The following SPTB variants were observed in gnomAD, a reference collection of about 807,000 sequenced individuals.
SPTB encodes spectrin beta, erythrocytic, also known as spectrin beta chain, erythrocytic.
In SPTB, 45 loss-of-function variants were observed where a neutral mutation model predicts 256.2. The observed-to-expected ratio is 0.18, with a 90% CI of 0.14 to 0.23. The LOEUF (loss-of-function observed/expected upper bound fraction) is 0.23. Among genes scored for constraint, SPTB ranks in the 10% least tolerant of loss-of-function variants. SPTB has a pLI of 1.00. For synonymous variants in SPTB, 1,231 were observed against 1,243.1 expected, an observed-to-expected ratio of 0.99 and a Z score of 0.21; for missense variants, 2,715 against 3,040.4, an observed-to-expected ratio of 0.89 and a Z score of 2.52.
intron 15 of SPTB, among the ~76,000 whole-genome samples, chr14:64,788,431 G>C (rs1172233932): frequency 1.3e-4 from 20 of 152,194 alleles, no homozygotes; most frequent in Admixed American, 1.3e-3. Context: ...CAGGCTGGGA[G>C]AGACCAGGGA....
chr14:64,809,490 C>G (rs558543738), intron 2 of SPTB, among the ~76,000 whole-genome samples: 1 of 151,720 alleles, frequency 6.6e-6, no homozygotes, highest in Non-Finnish European at 1.5e-5. Flanking sequence ...GGACTACAGG[C>G]GTGCACCACC....
In SPTB at chr14:64,795,560, T is replaced by C. The variant is rs778518936; in HGVS notation, c.1421A>G (p.Tyr474Cys). Reference sequence around the variant, plus strand: ...CTCCAGGGCTCTCACCCGCTCCTCGTAGGCAGCCGTGTCGGTCTCGATGGC... The same window carrying C: ...CTCCAGGGCTCTCACCCGCTCCTCGCAGGCAGCCGTGTCGGTCTCGATGGC... ...HEAIETDTAA[Y>C]EERVRALEDL... The change falls in exon 12 of 36, where the codon TAC becomes TGC. Residue 474 changes from tyrosine (Y) to cysteine (C), a missense_variant. Tyr to Cys is a radical substitution (Grantham distance 194). Coordinates refer to ENST00000644917, the MANE Select transcript of SPTB (RefSeq NM_001355436.2). The surrounding 1 kb of genome is among the most constrained non-coding windows in gnomAD (Gnocchi z 6.5). 6.2e-7 allele frequency: 1 copy of C among 1,614,054 alleles called. No individual in the cohort carries two copies. The highest frequency in any genetic ancestry group is 1.3e-5 in the African/African-American group (1 of 74,910).
At position 64,770,771 on chromosome 14, in the gene SPTB, G is replaced by A. The variant is rs2082267742; in HGVS notation, c.5798+114C>T. 32 of 1,523,242 alleles carry A rather than the reference G, an allele frequency of 2.1e-5. No individual in the cohort carries two copies. The South Asian group carries it at 3.6e-4, about 17-fold the overall frequency. The allele number at this position is 1,523,242 out of a possible 1,614,324, so 94.4% of individuals were successfully genotyped here. A position where few individuals can be genotyped will look rare whatever the true frequency, so the allele number is the denominator to read the frequency against. On this transcript the variant is annotated intron_variant, in intron 27 of 35. Transcript: ENST00000644917. ...CAAGTGTCCCCCAGGGATTTTCATGGAACGATAGTCCAGGACTGTCCCTTC... is the reference window on the plus strand; with the variant it reads ...CAAGTGTCCCCCAGGGATTTTCATGAAACGATAGTCCAGGACTGTCCCTTC...
rs779607354 is a variant in SPTB at position 64,816,954 on chromosome 14, T to C, written c.148+5993A>G. 3.3e-5 allele frequency among the ~76,000 whole-genome samples: 5 copies of C among 152,192 alleles called. No individual in the cohort carries two copies. The highest frequency in any genetic ancestry group is 5.9e-5 in the Non-Finnish European group (4 of 68,022). On this transcript the variant is annotated intron_variant, in intron 2 of 35. Transcript: ENST00000644917. The surrounding 1 kb of genome is among the most constrained non-coding windows in gnomAD (Gnocchi z 4.2). ...ATGTCCCAAAGATGGAGGAGGCTATTAACGTGGTTCACTCAGACTGCACTG... is the reference window on the plus strand; with the variant it reads ...ATGTCCCAAAGATGGAGGAGGCTATCAACGTGGTTCACTCAGACTGCACTG...
rs886050621 is a variant in SPTB, at chr14:64,793,244, G to C, written c.2419C>G (p.Gln807Glu). ...GVMEHLEQQA[Q>E]GFPEEFRDSP... is the part of the protein sequence containing the mutation. ...TCCCGAAACTCTTCGGGGAATCCCTGGGCCTGCTGCTCCAGGTGCTCCATC... is the reference window on the plus strand; with the variant it reads ...TCCCGAAACTCTTCGGGGAATCCCTCGGCCTGCTGCTCCAGGTGCTCCATC... The change falls in exon 14 of 36, where the codon CAG becomes GAG. Residue 807 changes from glutamine (Q) to glutamate (E), a missense_variant. Physicochemically the swap from Gln to Glu is conservative, Grantham distance 29. Around this residue, in one of 4 missense-constraint regions of SPTB, gnomAD observed 2,239 missense variants for 2,384.4 expected, o/e 0.94. Coordinates refer to ENST00000644917, the MANE Select transcript of SPTB (RefSeq NM_001355436.2). This position sits in a 1 kb window ranked among gnomAD's most constrained non-coding sequence, Gnocchi z 7.0. 4 of 1,608,772 alleles carry C rather than the reference G, an allele frequency of 2.5e-6. No individual in the cohort carries two copies. The highest frequency in any genetic ancestry group is 3.4e-6 in the Non-Finnish European group (4 of 1,180,028).
chr14:64,832,496 G>C (rs2083465206), intron 1 of SPTB, among the ~76,000 whole-genome samples: 1 of 151,864 alleles, frequency 6.6e-6, no homozygotes, highest in Non-Finnish European at 1.5e-5. Flanking sequence ...TTCTTCCTCT[G>C]TCTACACACT....
chr14:64,849,381 A>G (rs2083743483), intron 1 of SPTB, among the ~76,000 whole-genome samples: 1 of 152,216 alleles, frequency 6.6e-6, no homozygotes, highest in Non-Finnish European at 1.5e-5. Flanking sequence ...TCTCAACACT[A>G]TGTCTAAAAA....
chr14:64,846,210 C>A (rs143068403), intron 1 of SPTB, among the ~76,000 whole-genome samples: 1 of 152,162 alleles, frequency 6.6e-6, no homozygotes, highest in Non-Finnish European at 1.5e-5. Context: ...AAAGACTACA[C>A]GGTAATTAAA....
In SPTB at chr14:64,779,133, C is replaced by T. The variant is rs2082417224; in HGVS notation, c.4563+24G>A. ...TGGGGGTGAGGAGGGGTGGGTGGGGCTGGTGAGGTGACGCAGGACTCACCT... is the reference window on the plus strand; with the variant it reads ...TGGGGGTGAGGAGGGGTGGGTGGGGTTGGTGAGGTGACGCAGGACTCACCT... On this transcript the variant is annotated intron_variant, in intron 22 of 35. Transcript: ENST00000644917. The surrounding 1 kb of genome is among the most constrained non-coding windows in gnomAD (Gnocchi z 4.2). 3 of 1,604,180 alleles carry T rather than the reference C, an allele frequency of 1.9e-6. No individual in the cohort carries two copies. Among genetic ancestry groups the T allele is most frequent in the Non-Finnish European group, 2.6e-6 (3 of 1,173,188 alleles).
At chr14:64,871,796 A>C (rs1397483037) in intron 1 of SPTB, among the ~76,000 whole-genome samples, 2 of 152,248 alleles carry the variant, frequency 1.3e-5, no homozygotes, top group African/African-American at 4.8e-5. Context: ...ATATGGATAT[A>C]TGTTTTAACC....
At chr14:64,774,586 C>T in intron 23 of SPTB, 59 bp from the exon 24 acceptor site, 1 of 1,550,124 alleles carries the variant, frequency 6.5e-7, no homozygotes. Context: ...CCTCCCTTGG[C>T]AAGTTGTGCC....
rs2083351398 is a variant in SPTB at position 64,824,754 on chromosome 14, C to G, written c.-51-1609G>C. On this transcript the variant is annotated intron_variant, in intron 1 of 35. Coordinates refer to ENST00000644917, the MANE Select transcript of SPTB (RefSeq NM_001355436.2). The surrounding 1 kb of genome is among the most constrained non-coding windows in gnomAD (Gnocchi z 5.7). The stretch of plus-strand genomic sequence containing the variant: ...CATGCACATCCACCAGGCACATGAT[C>G]ACGGAGGCACTGAAGCACATTCACC... Among the ~76,000 whole-genome samples the G allele has an allele frequency of 6.6e-6, 1 of 152,190 alleles. No homozygotes were observed. The highest frequency in any genetic ancestry group is 6.5e-5 in the Admixed American group (1 of 15,284).
At chr14:64,768,356 T>TTTC (rs1440810713) in intron 29 of SPTB, 1 of 203,302 alleles carries the variant, frequency 4.9e-6, no homozygotes, top group African/African-American at 2.3e-5. Flanking sequence ...TTATATTTTT[T>TTTC]AAGCTATATT....
At position 64,794,596 on chromosome 14, in the gene SPTB, A is replaced by T; in HGVS notation, c.1666T>A (p.Phe556Ile). ...EIKAHLLSAEFGKHLLEVEDL... is the reference protein window; with the variant it reads ...EIKAHLLSAEIGKHLLEVEDL... Reference sequence around the variant, plus strand: ...TCAACCTCCAACAAGTGCTTCCCAAACTCGGCAGACAAGAGGTGAGCCTGG... The same window carrying T: ...TCAACCTCCAACAAGTGCTTCCCAATCTCGGCAGACAAGAGGTGAGCCTGG... The change falls in exon 13 of 36, where the codon TTT (phenylalanine) becomes ATT (isoleucine). Residue 556 changes from phenylalanine to isoleucine, a missense_variant. Phe to Ile is a conservative substitution (Grantham distance 21, BLOSUM62 0). Coordinates refer to ENST00000644917, the MANE Select transcript of SPTB (RefSeq NM_001355436.2). 1 of 1,614,096 alleles carries T rather than the reference A, an allele frequency of 6.2e-7. No homozygotes were observed.
At position 64,782,410 on chromosome 14, in the gene SPTB, G is replaced by A. The variant is rs371649655; in HGVS notation, c.4146C>T (p.Asp1382=). The part of the protein sequence containing the change: ...TQHLSAARSS[D]LRLQTHADLN... ...GGTCAGCATGGGTCTGCAAGCGCAG[G>A]TCGGAGCTCCTGGCAGCCGAGAGGT... Residue 1382 remains aspartate, a synonymous_variant, in exon 20 of 36, where the codon GAC becomes GAT. Transcript: ENST00000644917. 9.9e-6 allele frequency: 16 copies of A among 1,614,034 alleles called. No individual in the cohort carries two copies. The African/African-American group carries it at 2.0e-4, about 20-fold the overall frequency.
At chr14:64,837,477 G>A (rs2139742487) in intron 1 of SPTB, among the ~76,000 whole-genome samples, 1 of 152,160 alleles carries the variant, frequency 6.6e-6, no homozygotes, top group South Asian at 2.1e-4. Context: ...CCATGCCTAG[G>A]GATTGGAAGA....
At chr14:64,803,555 C>A in intron 4 of SPTB, 52 bp downstream of exon 4, 1 of 1,609,636 alleles carries the variant, frequency 6.2e-7, no homozygotes, top group Non-Finnish European at 8.5e-7. Context: ...ATTCTAAGGC[C>A]CTGGGCAGCC....
At chr14:64,771,276 T>C in intron 26 of SPTB, 147 bp from the exon 27 acceptor site, 4 of 1,265,052 alleles carry the variant, frequency 3.2e-6, no homozygotes, top group Non-Finnish European at 4.5e-6. Flanking sequence ...ACCCAGTGGG[T>C]GCTGTAGGAG....
rs529851509 is a variant in SPTB at position 64,841,195 on chromosome 14, G to T, written c.-51-18050C>A. 8.5e-5 allele frequency among the ~76,000 whole-genome samples: 13 copies of T among 152,252 alleles called. 1 individual carries two copies. In the South Asian group the frequency reaches 2.7e-3, roughly 32 times the overall value. On this transcript the variant is annotated intron_variant, in intron 1 of 35. Coordinates refer to ENST00000644917, the MANE Select transcript of SPTB (RefSeq NM_001355436.2). This position sits in a 1 kb window ranked among gnomAD's most constrained non-coding sequence, Gnocchi z 4.6. Reference sequence around the variant, plus strand: ...TCCTTATCCCCATTTTATGGGTCAGGAAACTGAGGCTTAGAGGGTTCAGTG... The same window carrying T: ...TCCTTATCCCCATTTTATGGGTCAGTAAACTGAGGCTTAGAGGGTTCAGTG...
Sources: allele counts gnomAD v4.1 joint callset (sites outside exome capture counted in the v4.1 genomes callset), GRCh38; gene constraint gnomAD v4.1.1; regional missense constraint gnomAD v4.1.1; non-coding constraint Gnocchi (gnomAD v3.1); transcripts MANE v1.5; gene names NCBI Gene and HGNC (gene_info 2026-07-23, HGNC 2026-07-21).